RBFOX3: variants seen among roughly 807,000 people sequenced by gnomAD.
RBFOX3 encodes the protein RNA binding fox-1 homolog 3, also known as RNA binding protein fox-1 homolog 3.
In RBFOX3, 17 loss-of-function variants were observed where a neutral mutation model predicts 48.7. That is an observed-to-expected ratio of 0.35 (90% CI 0.24 to 0.52). The LOEUF (loss-of-function observed/expected upper bound fraction) is 0.52, where lower values mean the gene tolerates loss of function less well. Among genes scored for constraint, RBFOX3 ranks in the 20% least tolerant of loss-of-function variants. RBFOX3 has a pLI of 0.94. For missense variants in RBFOX3, 382 were observed against 497.5 expected (o/e 0.77, Z 2.21); for synonymous variants, 212 against 209.5 (o/e 1.01, Z -0.10).
intron 4 of RBFOX3, among the ~76,000 whole-genome samples, chr17:79,230,425 A>G (rs2060882903): frequency 6.6e-6 from 1 of 151,656 alleles, no homozygotes; most frequent in Non-Finnish European, 1.5e-5. Flanking sequence ...ATACCCGGCT[A>G]ATTTTTTGTA....
rs996348542 is a variant in RBFOX3, at chr17:79,096,747, G to A, written c.842C>T (p.Pro281Leu). The A allele has an allele frequency of 8.5e-5, 128 of 1,509,060 alleles. No homozygotes were observed. Among genetic ancestry groups the A allele is most frequent in the Non-Finnish European group, 1.1e-4 (124 of 1,108,404 alleles). 93.5% of individuals were successfully genotyped at this position (1,509,060 alleles called of 1,614,324 possible). A position where few individuals can be genotyped will look rare whatever the true frequency, so the allele number is the denominator to read the frequency against. The stretch of plus-strand genomic sequence containing the variant: ...GAACGCTGGAGAGGTGGGGTAGGCC[G>A]GCTCCGGTGTCTGCTGAGGAGGGAG... ...CPLPPQQTPE[P>L]AYPTSPAFPP... Residue 281 changes from proline (P) to leucine (L), a missense_variant, in exon 12 of 15, where the codon CCG (proline) becomes CTG (leucine). By Grantham distance (98) the Pro-to-Leu change is moderately conservative (BLOSUM62 -3). Coordinates refer to ENST00000693108, the MANE Select transcript of RBFOX3 (RefSeq NM_001350451.2).
intron 1 of RBFOX3, among the ~76,000 whole-genome samples, chr17:79,517,430 G>A (rs2085401441): frequency 7.3e-6 from 1 of 136,944 alleles, no homozygotes; most frequent in African/African-American, 2.8e-5. Flanking sequence ...GGACTATACA[G>A]TGAGAGTCTG....
intron 1 of RBFOX3, among the ~76,000 whole-genome samples, chr17:79,553,950 T>C (rs1304609943): frequency 6.6e-6 from 1 of 152,140 alleles, no homozygotes; most frequent in Non-Finnish European, 1.5e-5. Flanking sequence ...GCCAGATTGG[T>C]CTCAAATTCC....
At chr17:79,126,647 T>A (rs1349212959) in intron 4 of RBFOX3, among the ~76,000 whole-genome samples, 1 of 152,108 alleles carries the variant, frequency 6.6e-6, no homozygotes, top group Non-Finnish European at 1.5e-5. Flanking sequence ...GGAGTCTACA[T>A]CCTCGTCTCT....
At chr17:79,555,397 G>A (rs2091584319) in intron 1 of RBFOX3, among the ~76,000 whole-genome samples, 3 of 52,694 alleles carry the variant, frequency 5.7e-5, no homozygotes, top group African/African-American at 3.0e-4. Context: ...GGTGATGGTG[G>A]TGATGATGGT....
chr17:79,641,968 C>T, the RBFOX3 span, among the ~76,000 whole-genome samples: 2 of 152,148 alleles, frequency 1.3e-5, no homozygotes, highest in African/African-American at 2.4e-5. Flanking sequence ...GAAGCAGATG[C>T]CACCATGCTT....
In RBFOX3 at chr17:79,233,166, C is replaced by T. The variant is rs1371482898; in HGVS notation, c.-34+2600G>A. Among the ~76,000 whole-genome samples the T allele has an allele frequency of 2.6e-5, 4 of 152,138 alleles. No individual in the cohort carries two copies. In the South Asian group the frequency reaches 6.2e-4, roughly 24 times the overall value. ...ATCCCAGCGTGGAATACTACTTGGC[C>T]AGAACAAGGAGAAAAGTATATCTAT... is the stretch of plus-strand genomic sequence containing the variant. On this transcript the variant is annotated intron_variant, in intron 4 of 14. Coordinates refer to ENST00000693108, the MANE Select transcript of RBFOX3 (RefSeq NM_001350451.2).
intron 2 of RBFOX3, among the ~76,000 whole-genome samples, chr17:79,463,381 C>T (rs545986891): frequency 7.7e-6 from 1 of 130,312 alleles, no homozygotes; most frequent in African/African-American, 2.9e-5. Flanking sequence ...GTGCCACCGC[C>T]ACCTCCACCA....
intron 4 of RBFOX3, among the ~76,000 whole-genome samples, chr17:79,217,605 G>C (rs1312379968): frequency 2.0e-5 from 3 of 152,130 alleles, no homozygotes; most frequent in African/African-American, 7.2e-5. Flanking sequence ...CAAGGATGAG[G>C]GTGGGGGTGC....
Position 79,195,686 on chromosome 17 carries a change from G to T in RBFOX3, c.-34+40080C>A, listed in dbSNP as rs2055442522. On this transcript the variant is annotated intron_variant, in intron 4 of 14. Coordinates refer to ENST00000693108, the MANE Select transcript of RBFOX3 (RefSeq NM_001350451.2). This position sits in a 1 kb window ranked among gnomAD's most constrained non-coding sequence, Gnocchi z 5.3. ...GGCCAGTGGTGGGGTGGCGGGGGTG[G>T]CTTTCCTTCTGTGCTCCCTCCCCTA... is the stretch of plus-strand genomic sequence containing the variant. 6.6e-6 allele frequency among the ~76,000 whole-genome samples: 1 copy of T among 152,186 alleles called. No individual in the cohort carries two copies. Among genetic ancestry groups the T allele is most frequent in the African/African-American group, 2.4e-5 (1 of 41,432 alleles).
rs992601862 is a variant in RBFOX3, at chr17:79,486,376, G to A, written c.-319-3778C>T. Among the ~76,000 whole-genome samples the A allele has an allele frequency of 9.1e-4, 139 of 152,230 alleles. 1 individual carries two copies. The highest frequency in any genetic ancestry group is 3.0e-3 in the African/African-American group (124 of 41,542). ...CTGTATTTATTGCCCCTCACCATGC[G>A]CTGAGTGCAGTGCTCAGAGCACAGC... On this transcript the variant is annotated intron_variant, in intron 1 of 14. Coordinates refer to ENST00000693108, the MANE Select transcript of RBFOX3 (RefSeq NM_001350451.2).
intron 2 of RBFOX3, among the ~76,000 whole-genome samples, chr17:79,394,244 C>A (rs908003758): frequency 5.3e-5 from 8 of 152,218 alleles, no homozygotes; most frequent in Admixed American, 2.6e-4. Flanking sequence ...GATGGAAAAG[C>A]ATGAGGGACT....
At chr17:79,409,308 G>T (rs557767792) in intron 2 of RBFOX3, among the ~76,000 whole-genome samples, 9 of 152,122 alleles carry the variant, frequency 5.9e-5, no homozygotes, top group Admixed American at 5.9e-4. Context: ...TCCTACAAAC[G>T]TGTGCACACA....
chr17:79,606,485 C>T (rs1432408855), intron 1 of RBFOX3, among the ~76,000 whole-genome samples: 1 of 152,190 alleles, frequency 6.6e-6, no homozygotes, highest in East Asian at 1.9e-4. Context: ...CAAAATGCAA[C>T]TGATAGACTG....
intron 2 of RBFOX3, among the ~76,000 whole-genome samples, chr17:79,368,277 A>G (rs1244211688): frequency 1.5e-5 from 2 of 136,452 alleles, no homozygotes; most frequent in Admixed American, 8.1e-5. Context: ...TGAGGGGTCC[A>G]GTAGGAGCAG....
At chr17:79,499,403 A>G (rs2082087436) in intron 1 of RBFOX3, among the ~76,000 whole-genome samples, 1 of 151,514 alleles carries the variant, frequency 6.6e-6, no homozygotes, top group Admixed American at 6.6e-5. Flanking sequence ...TCACTCATCC[A>G]TCCATGCATC....
intron 2 of RBFOX3, among the ~76,000 whole-genome samples, chr17:79,344,892 G>A (rs1180176396): frequency 6.6e-6 from 1 of 152,058 alleles, no homozygotes; most frequent in Admixed American, 6.6e-5. Flanking sequence ...ATCTGCCTCT[G>A]TCCACACCAC....
Position 79,365,649 on chromosome 17 carries a change from A to G in RBFOX3, c.-174-57825T>C, listed in dbSNP as rs185450585. Among the ~76,000 whole-genome samples, 183 of 152,364 alleles carry G rather than the reference A, an allele frequency of 1.2e-3. 1 individual carries two copies. Among genetic ancestry groups the G allele is most frequent in the African/African-American group, 4.2e-3 (175 of 41,588 alleles). The stretch of plus-strand genomic sequence containing the variant: ...TTTCCCATACATGAATCACCAGCAT[A>G]TTTGATAACACCTTCCACAGAAATA... On this transcript the variant is annotated intron_variant, in intron 2 of 14. Transcript: ENST00000693108.
chr17:79,555,096 AC>A (rs1423522615), intron 1 of RBFOX3, among the ~76,000 whole-genome samples: 1 of 152,248 alleles, frequency 6.6e-6, no homozygotes, highest in African/African-American at 2.4e-5. Context: ...TAGCTGTGGG[AC>A]CCAAGGCAAA....
Sources: gnomAD v4.1 joint callset for allele counts (sites outside exome capture counted in the v4.1 genomes callset) on GRCh38, gnomAD v4.1.1 for gene constraint, Gnocchi (gnomAD v3.1) non-coding constraint, MANE v1.5 for transcripts, NCBI Gene and HGNC (gene_info 2026-07-23, HGNC 2026-07-21) for gene names.